The following PHF24 variants were observed in gnomAD, a reference collection of about 807,000 sequenced individuals.
The protein encoded by PHF24 is Galpha inhibitory interacting protein.
A neutral mutation model predicts 42.6 loss-of-function variants in PHF24; 25 were observed. The ratio of observed to expected loss-of-function variants is 0.59; its 90% CI spans 0.43 to 0.82. The LOEUF (loss-of-function observed/expected upper bound fraction) is 0.82, where lower values mean the gene tolerates loss of function less well. Among genes scored for constraint, PHF24 ranks in the 40% least tolerant of loss-of-function variants. PHF24 has a pLI of 0.00. For synonymous variants in PHF24, 185 were observed against 204.8 expected (o/e 0.90, Z 0.83); for missense variants, 470 against 538.1 (o/e 0.87, Z 1.25).
At chr9:34,769,649 G>A in the PHF24 span, among the ~76,000 whole-genome samples, 3 of 152,188 alleles carry the variant, frequency 2.0e-5, no homozygotes, top group African/African-American at 4.8e-5. Flanking sequence ...ACTGAGATTA[G>A]TGCTGTCAGT....
the PHF24 span, chr9:34,832,505 T>C: frequency 1.0e-4 from 158 of 1,513,480 alleles, no homozygotes; most frequent in African/African-American, 5.4e-4. Flanking sequence ...TCGGCTTCTC[T>C]GTCTTACTTC....
At chr9:34,949,689 G>C in the PHF24 span, among the ~76,000 whole-genome samples, 1 of 152,176 alleles carries the variant, frequency 6.6e-6, no homozygotes, top group Non-Finnish European at 1.5e-5. Context: ...ATGAGTTCGT[G>C]TCCTTTGCAG....
the PHF24 span, chr9:34,892,902 C>T: frequency 2.9e-6 from 2 of 695,090 alleles, no homozygotes; most frequent in African/African-American, 1.8e-5. Flanking sequence ...GTTGGAGTTA[C>T]AGATGCCAGT....
chr9:34,670,536 C>T, the PHF24 span, among the ~76,000 whole-genome samples: 6 of 152,236 alleles, frequency 3.9e-5, no homozygotes, highest in Admixed American at 3.9e-4. Context: ...TCTTTCACAA[C>T]TCTCCGCAGT....
chr9:34,770,384 TGAG>T, the PHF24 span, among the ~76,000 whole-genome samples: 6 of 152,332 alleles, frequency 3.9e-5, no homozygotes, highest in East Asian at 9.6e-4. Context: ...TTTGGCAAGA[TGAG>T]GAGCTACTGC....
chr9:34,799,715 C>A, the PHF24 span, among the ~76,000 whole-genome samples: 2 of 152,126 alleles, frequency 1.3e-5, no homozygotes, highest in Non-Finnish European at 1.5e-5. Context: ...TATATAGAAA[C>A]ATGAAATTGC....
At chr9:34,674,312 C>T in the PHF24 span, among the ~76,000 whole-genome samples, 4 of 152,214 alleles carry the variant, frequency 2.6e-5, no homozygotes, top group African/African-American at 9.6e-5. Context: ...ATCCGTCCAT[C>T]CCATCCATTT....
the PHF24 span, among the ~76,000 whole-genome samples, chr9:34,842,885 G>A: frequency 1.3e-5 from 2 of 152,036 alleles, no homozygotes; most frequent in African/African-American, 4.8e-5. Flanking sequence ...GTCAACCCTT[G>A]GTACAATCCT....
At chr9:34,922,137 CTACTGTGTAAATTT>C in the PHF24 span, 15 of 1,489,620 alleles carry the variant, frequency 1.0e-5, no homozygotes, top group Admixed American at 1.8e-4. Flanking sequence ...GACAAATGGT[CTACTGTGTAAATTT>C]TAGAACGAGG....
At chr9:34,828,584 T>C in the PHF24 span, among the ~76,000 whole-genome samples, 1 of 152,244 alleles carries the variant, frequency 6.6e-6, no homozygotes, top group African/African-American at 2.4e-5. Context: ...TCCACTCCCA[T>C]CACACCTTCA....
At chr9:34,710,442 T>C in the PHF24 span, among the ~76,000 whole-genome samples, 522 of 151,152 alleles carry the variant, frequency 3.5e-3, 2 homozygotes, top group African/African-American at 0.012. Flanking sequence ...TTCCAGCAAA[T>C]CTGATTATTA....
the PHF24 span, among the ~76,000 whole-genome samples, chr9:34,666,552 A>ATTTT: frequency 0.48 from 63,597 of 132,100 alleles, 16,190 homozygotes; most frequent in East Asian, 0.79. Flanking sequence ...TCTTCTTGTG[A>ATTTT]TTTTTTTTTT....
the PHF24 span, among the ~76,000 whole-genome samples, chr9:34,764,476 T>G: frequency 6.6e-6 from 1 of 152,280 alleles, no homozygotes; most frequent in Non-Finnish European, 1.5e-5. Context: ...ATTTTCTAGT[T>G]TATTTGCGTA....
At chr9:34,733,913 G>A in the PHF24 span, among the ~76,000 whole-genome samples, 2 of 152,044 alleles carry the variant, frequency 1.3e-5, no homozygotes, top group Admixed American at 6.5e-5. Context: ...ATAAATGAAT[G>A]AAGTTAGAAC....
At chr9:34,691,209 T>C in the PHF24 span, 2 of 1,440,356 alleles carry the variant, frequency 1.4e-6, no homozygotes, top group South Asian at 1.2e-5. Flanking sequence ...GCAGGATCTG[T>C]GTGAGGCTGC....
the PHF24 span, chr9:34,922,938 A>C: frequency 7.0e-6 from 10 of 1,438,804 alleles, no homozygotes; most frequent in Middle Eastern, 3.7e-4. Flanking sequence ...ATGTTCCAGC[A>C]GTGGTCTCAC....
the PHF24 span, chr9:34,724,314 G>T: frequency 1.3e-6 from 2 of 1,551,382 alleles, no homozygotes; most frequent in Non-Finnish European, 1.7e-6. Context: ...GATTGCTTTT[G>T]GTTCTGCTGC....
the PHF24 span, chr9:34,917,031 A>G: frequency 1.8e-6 from 1 of 558,824 alleles, no homozygotes; most frequent in South Asian, 2.0e-5. Flanking sequence ...AAGTGTGAAC[A>G]CAAATCATGA....
At chr9:34,859,253 C>G in the PHF24 span, among the ~76,000 whole-genome samples, 3 of 152,156 alleles carry the variant, frequency 2.0e-5, no homozygotes, top group Non-Finnish European at 2.9e-5. Flanking sequence ...CTACTTCTCT[C>G]CACCTGAAGT....
Sources: allele counts gnomAD v4.1 joint callset (sites outside exome capture counted in the v4.1 genomes callset), GRCh38; gene constraint gnomAD v4.1.1; transcripts MANE v1.5; gene names NCBI Gene and HGNC (gene_info 2026-07-23, HGNC 2026-07-21).